Variants in RNASE12 observed in about 807,000 individuals in gnomAD.
The protein encoded by RNASE12 is ribonuclease A family member 12 (inactive), also known as probable inactive ribonuclease-like protein 12.
For synonymous variants in RNASE12, 55 were observed against 59.8 expected (o/e 0.92, Z 0.37); for missense variants, 161 against 177.6 (o/e 0.91, Z 0.53).
chr14:20,590,880 A>G (rs1355389216), upstream of RNASE12: 9 of 1,450,822 alleles, frequency 6.2e-6, no homozygotes, highest in Non-Finnish European at 5.5e-6. Flanking sequence ...AATTAAAATC[A>G]CACTGACCTT....
downstream of RNASE12, chr14:20,590,164 G>A: frequency 6.7e-7 from 1 of 1,498,428 alleles, no homozygotes; most frequent in Non-Finnish European, 8.8e-7. Flanking sequence ...AATTACCAGT[G>A]GCTTCCCCTT....
exon 1 of RNASE12, chr14:20,590,626 T>C (rs1303139280): frequency 6.2e-7 from 1 of 1,614,252 alleles, no homozygotes; most frequent in Non-Finnish European, 8.5e-7. Context: ...CTGAGGGTAG[T>C]CCACATGCAA....
chr14:20,591,029 C>A, upstream of RNASE12: 2 of 985,122 alleles, frequency 2.0e-6, no homozygotes, highest in Non-Finnish European at 2.4e-6. Context: ...CAGCAGATAC[C>A]ACATCTCCTA....
chr14:20,590,972 C>G (rs1884568380), upstream of RNASE12: 1 of 1,376,716 alleles, frequency 7.3e-7, no homozygotes, highest in African/African-American at 1.5e-5. Flanking sequence ...CTGAGCTGTT[C>G]TCTAAATTAT....
downstream of RNASE12, chr14:20,590,172 CT>C (rs1884536755): frequency 6.6e-7 from 1 of 1,510,372 alleles, no homozygotes. Context: ...GTGGCTTCCC[CT>C]TCCGCTCAAG....
At chr14:20,590,617 T>A (rs781476318) in exon 1 of RNASE12, 2 of 1,614,262 alleles carry the variant, frequency 1.2e-6, no homozygotes, top group South Asian at 2.2e-5. Flanking sequence ...AACGTCATTC[T>A]GAGGGTAGTC....
At chr14:20,591,158 T>C (rs986417263), upstream of RNASE12, 5 of 985,096 alleles carry the variant, frequency 5.1e-6, no homozygotes, top group Non-Finnish European at 6.0e-6. Context: ...ATCCACCCAA[T>C]TGCACATGAT....
chr14:20,590,836 C>T, upstream of RNASE12: 10 of 1,502,770 alleles, frequency 6.7e-6, no homozygotes, highest in South Asian at 8.2e-5. Flanking sequence ...GCTGCTCCCC[C>T]ATCCTTGGAA....
chr14:20,591,216 T>C, upstream of RNASE12: 8 of 984,090 alleles, frequency 8.1e-6, no homozygotes, highest in Non-Finnish European at 9.7e-6. Flanking sequence ...TCCAAGTCCC[T>C]CCCTCTGTCA....
exon 1 of RNASE12, chr14:20,590,634 C>A (rs778638018): frequency 3.8e-5 from 62 of 1,614,242 alleles, no homozygotes; most frequent in East Asian, 2.9e-4. Context: ...AGTCCACATG[C>A]AAGTGTTCTA....
upstream of RNASE12, chr14:20,590,937 A>G: frequency 7.1e-7 from 1 of 1,416,792 alleles, no homozygotes; most frequent in Non-Finnish European, 9.2e-7. Flanking sequence ...CCTTTTCTGA[A>G]CATGCCAGCT....
downstream of RNASE12, chr14:20,590,125 C>T (rs985038253): frequency 9.6e-6 from 13 of 1,357,638 alleles, no homozygotes; most frequent in African/African-American, 1.9e-4. Flanking sequence ...TAAAACAATC[C>T]CAACCCAGCA....
chr14:20,590,242 TGA>T, exon 1 of RNASE12: 1 of 1,602,814 alleles, frequency 6.2e-7, no homozygotes, highest in Non-Finnish European at 8.5e-7. Flanking sequence ...CCAATGCCAT[TGA>T]GAGAAGAGAT....
At chr14:20,590,927 C>A, upstream of RNASE12, 1 of 1,422,572 alleles carries the variant, frequency 7.0e-7, no homozygotes, top group Non-Finnish European at 9.2e-7. Flanking sequence ...CCCAAGAAAG[C>A]CTTTTCTGAA....
upstream of RNASE12, chr14:20,591,050 C>T (rs1434540317): frequency 9.1e-6 from 9 of 985,292 alleles, no homozygotes; most frequent in Non-Finnish European, 1.1e-5. Flanking sequence ...TTTCTCAAAT[C>T]CTTCGAAGTG....
chr14:20,590,140 A>G, downstream of RNASE12: 1 of 1,431,692 alleles, frequency 7.0e-7, no homozygotes, highest in Admixed American at 2.7e-5. Context: ...CCAGCAATAC[A>G]GGAAGGATAA....
chr14:20,590,147 A>T, downstream of RNASE12: 1 of 1,462,224 alleles, frequency 6.8e-7, no homozygotes, highest in African/African-American at 1.4e-5. Flanking sequence ...TACAGGAAGG[A>T]TAAATTAATT....
chr14:20,590,515 TG>T lies in RNASE12; in HGVS notation c.208del (p.His70MetfsTer36). 1 of 1,614,276 alleles carries T rather than the reference TG, an allele frequency of 6.2e-7. No individual in the cohort carries two copies. Among genetic ancestry groups the T allele is most frequent in the African/African-American group, 1.3e-5 (1 of 75,074 alleles). ...ACCATTGATTTTTCGAGGCCTCTCA[TG>T]GATGAAGACATGCTCCTTTTTACAA... On this transcript the variant is annotated frameshift_variant, in exon 1 of 1. Transcript: ENST00000556526. LOFTEE classifies it low-confidence loss of function (END_TRUNC).
upstream of RNASE12, chr14:20,591,168 T>G (rs1369927978): frequency 1.0e-6 from 1 of 984,220 alleles, no homozygotes; most frequent in Non-Finnish European, 1.2e-6. Context: ...TTGCACATGA[T>G]TTTAGTACCT....
Sources: allele counts gnomAD v4.1 joint callset, GRCh38; gene constraint gnomAD v4.1.1; transcripts MANE v1.5; gene names NCBI Gene and HGNC (gene_info 2026-07-23, HGNC 2026-07-21).